DNAJC3: variants seen among roughly 807,000 people sequenced by gnomAD.
The protein encoded by DNAJC3 is dnaJ homolog subfamily C member 3.
A neutral mutation model predicts 68.6 loss-of-function variants in DNAJC3; 38 were observed. That is an observed-to-expected ratio of 0.55 (90% CI 0.43 to 0.73). The LOEUF is 0.73. Ranked by LOEUF, DNAJC3 falls within the 30% of genes least tolerant of loss-of-function variation. DNAJC3 has a pLI of 0.00. For synonymous variants in DNAJC3, 203 were observed against 204.0 expected, an observed-to-expected ratio of 1.00 and a Z score of 0.04; for missense variants, 526 against 591.9, an observed-to-expected ratio of 0.89 and a Z score of 1.16.
intron 9 of DNAJC3, among the ~76,000 whole-genome samples, chr13:95,779,258 G>A (rs1406741745): frequency 2.7e-5 from 4 of 150,822 alleles, no homozygotes; most frequent in South Asian, 2.1e-4. Context: ...TGAGTAGCTG[G>A]GACTACAGGC....
At chr13:95,786,816 G>C (rs1331055414) in intron 10 of DNAJC3, among the ~76,000 whole-genome samples, 191 bp from the exon 11 acceptor site, 2 of 152,148 alleles carry the variant, frequency 1.3e-5, no homozygotes, top group East Asian at 3.9e-4. Flanking sequence ...GAGTATCCAA[G>C]GAAGCCTGAT....
At chr13:95,716,573 T>A (rs1016307570) in intron 2 of DNAJC3, among the ~76,000 whole-genome samples, 2 of 152,128 alleles carry the variant, frequency 1.3e-5, no homozygotes, top group African/African-American at 4.8e-5. Flanking sequence ...GCAAGGTTTA[T>A]TGAGTGGTGG....
chr13:95,729,616 A>G (rs754227457), intron 4 of DNAJC3, among the ~76,000 whole-genome samples: 24 of 152,070 alleles, frequency 1.6e-4, no homozygotes, highest in Non-Finnish European at 1.9e-4. Context: ...ACTAATTTAC[A>G]TTCCTGCCAA....
chr13:95,677,498 G>C (rs961836417), intron 1 of DNAJC3, among the ~76,000 whole-genome samples, 161 bp downstream of exon 1: 2 of 152,218 alleles, frequency 1.3e-5, no homozygotes, highest in Non-Finnish European at 2.9e-5. Flanking sequence ...GCCCGGTTCC[G>C]GGTTTGTCTG....
intron 9 of DNAJC3, among the ~76,000 whole-genome samples, chr13:95,778,066 G>A (rs1883336969): frequency 6.6e-6 from 1 of 152,086 alleles, no homozygotes. Context: ...TCAAGGGTTG[G>A]AAGACATAAT....
At chr13:95,780,079 C>A (rs1883407921) in intron 9 of DNAJC3, among the ~76,000 whole-genome samples, 2 of 152,156 alleles carry the variant, frequency 1.3e-5, no homozygotes, top group East Asian at 3.9e-4. Context: ...AGTCGCAGTA[C>A]TCTCTGCTTC....
chr13:95,750,676 A>G (rs1882448241), intron 4 of DNAJC3, among the ~76,000 whole-genome samples: 1 of 151,752 alleles, frequency 6.6e-6, no homozygotes, highest in African/African-American at 2.4e-5. Flanking sequence ...CTCCCAGCTA[A>G]TTTTTGTATT....
rs186241320 is a variant in DNAJC3 at position 95,773,497 on chromosome 13, C to T, written c.1075+9544C>T. On this transcript the variant is annotated intron_variant, in intron 9 of 11. Transcript: ENST00000602402. ...TTATTTAGTTTTATTCAGTATAAGG[C>T]TATTAATATTTTCTGTTTCATCTGT... 2.6e-5 allele frequency among the ~76,000 whole-genome samples: 4 copies of T among 151,742 alleles called. No homozygotes were observed. The East Asian group carries it at 7.8e-4, about 30-fold the overall frequency.
intron 4 of DNAJC3, among the ~76,000 whole-genome samples, chr13:95,755,802 C>G (rs1333329795): frequency 1.3e-5 from 2 of 150,604 alleles, no homozygotes; most frequent in Non-Finnish European, 3.0e-5. Flanking sequence ...AAAAAAATCC[C>G]CCAAAACCCT....
intron 6 of DNAJC3, among the ~76,000 whole-genome samples, chr13:95,760,459 G>T (rs1045242813): frequency 2.6e-5 from 4 of 152,120 alleles, no homozygotes; most frequent in African/African-American, 4.8e-5. Context: ...AAACAAAATG[G>T]AATGTTTACT....
intron 1 of DNAJC3, among the ~76,000 whole-genome samples, chr13:95,707,164 T>C (rs1204143683): frequency 3.3e-5 from 5 of 152,052 alleles, no homozygotes; most frequent in Admixed American, 2.0e-4. Flanking sequence ...GATGATAGGG[T>C]TTGTGCTCCT....
intron 9 of DNAJC3, among the ~76,000 whole-genome samples, chr13:95,779,263 A>G (rs978716911): frequency 2.0e-5 from 3 of 151,206 alleles, no homozygotes; most frequent in Admixed American, 2.0e-4. Flanking sequence ...AGCTGGGACT[A>G]CAGGCGCCCG....
At chr13:95,789,781 C>CT (rs1454208695) in intron 11 of DNAJC3, among the ~76,000 whole-genome samples, 2 of 65,750 alleles carry the variant, frequency 3.0e-5, no homozygotes, top group African/African-American at 8.5e-5. Context: ...ATAAGCGTTC[C>CT]TTTTTCACCA....
chr13:95,709,055 A>G (rs1880861642), intron 1 of DNAJC3, among the ~76,000 whole-genome samples, 172 bp from the exon 2 acceptor site: 1 of 152,182 alleles, frequency 6.6e-6, no homozygotes, highest in Non-Finnish European at 1.5e-5. Context: ...GCTCCATATA[A>G]TGAAATAGGG....
At chr13:95,707,067 G>A (rs936094859) in intron 1 of DNAJC3, among the ~76,000 whole-genome samples, 46 of 152,098 alleles carry the variant, frequency 3.0e-4, no homozygotes, top group African/African-American at 9.7e-4. Context: ...GGATAGTTTC[G>A]GGATGAATCT....
chr13:95,722,831 CCCCCCCCCG>C (rs1881374585), intron 2 of DNAJC3, among the ~76,000 whole-genome samples: 1 of 38,698 alleles, frequency 2.6e-5, no homozygotes, highest in African/African-American at 9.7e-5. Flanking sequence ...CCCCCCCCCC[CCCCCCCCCG>C]CCGAAAAAGG....
At chr13:95,732,448 A>C (rs1328492916) in intron 4 of DNAJC3, among the ~76,000 whole-genome samples, 1 of 152,012 alleles carries the variant, frequency 6.6e-6, no homozygotes, top group Admixed American at 6.5e-5. Context: ...TAGATTTTCC[A>C]GTTTGTTATT....
intron 4 of DNAJC3, chr13:95,745,485 T>C (rs1354338420): frequency 1.3e-5 from 2 of 152,206 alleles, no homozygotes; most frequent in Admixed American, 6.5e-5. Flanking sequence ...TGGAGCCCCA[T>C]TGACATTCCC....
At chr13:95,776,362 G>A (rs1883292539) in intron 9 of DNAJC3, among the ~76,000 whole-genome samples, 1 of 152,168 alleles carries the variant, frequency 6.6e-6, no homozygotes, top group Non-Finnish European at 1.5e-5. Flanking sequence ...GTGTTCTGGA[G>A]ACACTGGAAT....
Sources: allele counts gnomAD v4.1 joint callset (sites outside exome capture counted in the v4.1 genomes callset), GRCh38; gene constraint gnomAD v4.1.1; transcripts MANE v1.5; gene names NCBI Gene and HGNC (gene_info 2026-07-23, HGNC 2026-07-21).